Variants in ROBO2 observed in about 807,000 individuals in gnomAD.
The protein encoded by ROBO2 is roundabout homolog 2.
In ROBO2, 53 loss-of-function variants were observed where a neutral mutation model predicts 160.8. That is an observed-to-expected ratio of 0.33 (90% confidence interval 0.26 to 0.41). ROBO2 has a LOEUF of 0.41. Ranked by LOEUF, ROBO2 falls within the 10% of genes least tolerant of loss-of-function variation. The probability of loss-of-function intolerance (pLI) is 1.00; values close to 1 mark genes in which losing one functional copy is unlikely to be tolerated. For synonymous variants in ROBO2, 664 were observed against 611.7 expected, an observed-to-expected ratio of 1.09 and a Z score of -1.26; for missense variants, 1,577 against 1,722.4, an observed-to-expected ratio of 0.92 and a Z score of 1.49.
At chr3:76,860,976 C>A (rs933953668) in intron 2 of ROBO2, among the ~76,000 whole-genome samples, 1 of 152,150 alleles carries the variant, frequency 6.6e-6, no homozygotes, top group Non-Finnish European at 1.5e-5. Context: ...CCATCCTTAT[C>A]AAACTTTAGC....
In ROBO2 at chr3:77,527,893, C is replaced by T. The variant is rs1389695151; in HGVS notation, c.934+4991C>T. Among the ~76,000 whole-genome samples the T allele has an allele frequency of 2.0e-5, 3 of 151,502 alleles. No individual in the cohort carries two copies. The Admixed American group carries it at 2.0e-4, about 10-fold the overall frequency. On this transcript the variant is annotated intron_variant, in intron 6 of 25. Transcript: ENST00000461745. Reference sequence around the variant, plus strand: ...ATTTTTAGCTGCTGCATATTTATTGCCTGCATGCCTATTTAAACAAAATTA... The same window carrying T: ...ATTTTTAGCTGCTGCATATTTATTGTCTGCATGCCTATTTAAACAAAATTA...
intron 2 of ROBO2, among the ~76,000 whole-genome samples, chr3:76,269,424 T>G (rs1461974986): frequency 1.3e-5 from 2 of 152,078 alleles, no homozygotes; most frequent in Non-Finnish European, 2.9e-5. Flanking sequence ...GGTTACTTTT[T>G]CCTTCTGAAT....
chr3:75,916,693 T>C (rs182145066), intron 1 of ROBO2, among the ~76,000 whole-genome samples: 9 of 151,856 alleles, frequency 5.9e-5, no homozygotes. Flanking sequence ...ATGTATAATT[T>C]ATGGCAAAAA....
intron 2 of ROBO2, among the ~76,000 whole-genome samples, chr3:76,046,552 G>A (rs1248413267): frequency 6.6e-6 from 1 of 151,912 alleles, no homozygotes; most frequent in African/African-American, 2.4e-5. Flanking sequence ...GGAGGCTGAG[G>A]CAGGAGAATG....
At chr3:76,247,883 T>A (rs1379522685) in intron 2 of ROBO2, among the ~76,000 whole-genome samples, 3 of 151,506 alleles carry the variant, frequency 2.0e-5, no homozygotes, top group African/African-American at 7.3e-5. Context: ...AAAAAACACA[T>A]GAAAAAATGC....
chr3:77,037,926 G>A (rs1285462003), upstream of ROBO2, among the ~76,000 whole-genome samples: 2 of 152,058 alleles, frequency 1.3e-5, no homozygotes, highest in Non-Finnish European at 2.9e-5. Context: ...AATTTCACCC[G>A]CGTAAGGAAA....
chr3:77,435,845 G>T lies in ROBO2; in HGVS notation c.389-41569G>T, dbSNP rs1389369067. Among the ~76,000 whole-genome samples the T allele has an allele frequency of 4.0e-5, 6 of 151,522 alleles. No individual in the cohort carries two copies. In the East Asian group the frequency reaches 9.8e-4, roughly 25 times the overall value. On this transcript the variant is annotated intron_variant, in intron 2 of 25. Transcript: ENST00000461745. ...ATATCTTAAAGTATATCTGATAGTT[G>T]TTCACTTATAAAGGAATTCTGTAGG...
At chr3:77,163,818 A>T (rs9841108) in intron 2 of ROBO2, among the ~76,000 whole-genome samples, 65,255 of 151,432 alleles carry the variant, frequency 0.43, 14,354 homozygotes, top group Middle Eastern at 0.54. Flanking sequence ...TACTTTTTTT[A>T]AAAAAAAATC....
chr3:76,072,963 A>AT (rs1204846950), intron 2 of ROBO2, among the ~76,000 whole-genome samples: 3 of 152,220 alleles, frequency 2.0e-5, no homozygotes, highest in Admixed American at 2.0e-4. Flanking sequence ...TGTGATGGAT[A>AT]TAAAGCATTC....
At chr3:76,640,520 T>C (rs2324619) in intron 2 of ROBO2, among the ~76,000 whole-genome samples, 102,651 of 151,270 alleles carry the variant, frequency 0.68, 35,584 homozygotes, top group African/African-American at 0.82. Context: ...GGGCAACGAG[T>C]GAAGCTCCGT....
chr3:76,234,843 C>A (rs1484124740), intron 2 of ROBO2, among the ~76,000 whole-genome samples: 1 of 152,050 alleles, frequency 6.6e-6, no homozygotes, highest in Non-Finnish European at 1.5e-5. Context: ...TATGCCTGTT[C>A]ATTATATTTT....
At chr3:77,412,350 A>T (rs2076873044) in intron 2 of ROBO2, among the ~76,000 whole-genome samples, 1 of 152,258 alleles carries the variant, frequency 6.6e-6, no homozygotes, top group East Asian at 1.9e-4. Flanking sequence ...GCTGAGCTCT[A>T]AGCCAGTATA....
chr3:76,269,600 CAGAGT>C (rs1268230562), intron 2 of ROBO2, among the ~76,000 whole-genome samples: 4 of 136,130 alleles, frequency 2.9e-5, no homozygotes, highest in African/African-American at 5.4e-5. Context: ...AAAAAAAAAA[CAGAGT>C]AAATGAAAGG....
chr3:76,934,316 TTA>T (rs2149072348), intron 2 of ROBO2, among the ~76,000 whole-genome samples: 1 of 152,334 alleles, frequency 6.6e-6, no homozygotes, highest in Admixed American at 6.5e-5. Flanking sequence ...TGATTCTCCC[TTA>T]CTGTTTATGA....
intron 2 of ROBO2, among the ~76,000 whole-genome samples, chr3:77,339,301 A>T (rs796869521): frequency 4.2e-4 from 64 of 152,246 alleles, no homozygotes; most frequent in African/African-American, 1.5e-3. Flanking sequence ...ATGAGCAAAG[A>T]TAATTTGAAT....
At chr3:76,008,015 C>A (rs957168023) in intron 2 of ROBO2, among the ~76,000 whole-genome samples, 1 of 151,840 alleles carries the variant, frequency 6.6e-6, no homozygotes, top group Non-Finnish European at 1.5e-5. Flanking sequence ...AGGTGGATCA[C>A]CTGAGGTCAG....
intron 6 of ROBO2, among the ~76,000 whole-genome samples, chr3:77,535,548 T>A (rs1453579699): frequency 6.6e-6 from 1 of 152,200 alleles, no homozygotes; most frequent in Non-Finnish European, 1.5e-5. Context: ...ATCATTTCTT[T>A]ACAAACAAAG....
At chr3:77,286,377 C>T (rs1171876859) in intron 2 of ROBO2, among the ~76,000 whole-genome samples, 1 of 151,472 alleles carries the variant, frequency 6.6e-6, no homozygotes, top group African/African-American at 2.4e-5. Flanking sequence ...TTGCCTCAGC[C>T]TTCCGAGTAG....
intron 2 of ROBO2, among the ~76,000 whole-genome samples, chr3:76,868,969 C>A (rs1448158558): frequency 4.6e-5 from 7 of 151,996 alleles, no homozygotes; most frequent in Non-Finnish European, 8.8e-5. Context: ...CCTCCCCCAC[C>A]AAAAAAGGAG....
Sources: gnomAD v4.1 joint callset for allele counts (sites outside exome capture counted in the v4.1 genomes callset) on GRCh38, gnomAD v4.1.1 for gene constraint, MANE v1.5 for transcripts, NCBI Gene and HGNC (gene_info 2026-07-23, HGNC 2026-07-21) for gene names.